Variants in FSCB observed in about 807,000 individuals in gnomAD.
The protein encoded by FSCB is fibrous sheath CABYR-binding protein.
For synonymous variants in FSCB, 331 were observed against 336.6 expected (o/e 0.98, Z 0.18); for missense variants, 975 against 934.8 (o/e 1.04, Z -0.56).
In FSCB at chr14:44,504,326, A is replaced by C. The variant is rs1881006745; in HGVS notation, c.*184T>G. 4.4e-6 allele frequency: 2 copies of C among 455,780 alleles called. No homozygotes were observed. Among genetic ancestry groups the C allele is most frequent in the Non-Finnish European group, 7.8e-6 (2 of 257,038 alleles). 28.2% of individuals were successfully genotyped at this position (455,780 alleles called of 1,614,324 possible). A position where few individuals can be genotyped will look rare whatever the true frequency, so the allele number is the denominator to read the frequency against. On this transcript the variant is annotated 3_prime_UTR_variant, in exon 1 of 1. Coordinates refer to ENST00000340446, the MANE Select transcript of FSCB (RefSeq NM_032135.4). ...TTTTTCATGCCATAAATTTGAATGA[A>C]ATTAACACAAGTAATTTTATGCTGC... is the stretch of plus-strand genomic sequence containing the variant.
chr14:44,504,726 C>A lies in FSCB; in HGVS notation c.2262G>T (p.Glu754Asp), dbSNP rs765630575. Reference protein sequence around the residue: ...EQTPEDEALVENVSTEFQSPQ... With the variant: ...EQTPEDEALVDNVSTEFQSPQ... Reference sequence around the variant, plus strand: ...GTGACTGAAATTCTGTAGACACATTCTCTACCAGAGCCTCATCTTCAGGGG... The same window carrying A: ...GTGACTGAAATTCTGTAGACACATTATCTACCAGAGCCTCATCTTCAGGGG... The change falls in exon 1 of 1, where the codon GAG becomes GAT. Residue 754 changes from glutamate (E) to aspartate (D), a missense_variant. Glu to Asp is a conservative substitution (Grantham distance 45, BLOSUM62 2). Coordinates refer to ENST00000340446, the MANE Select transcript of FSCB (RefSeq NM_032135.4). 12 of 1,614,176 alleles carry A rather than the reference C, an allele frequency of 7.4e-6. No individual in the cohort carries two copies. The South Asian group carries it at 1.3e-4, about 18-fold the overall frequency.
Position 44,506,091 on chromosome 14 carries a change from C to G in FSCB, c.897G>C (p.Glu299Asp), listed in dbSNP as rs372455925. Residue 299 changes from glutamate (E) to aspartate (D), a missense_variant, in exon 1 of 1, where the codon GAG (glutamate) becomes GAC (aspartate). By Grantham distance (45) the Glu-to-Asp change is conservative (BLOSUM62 2). Coordinates refer to ENST00000340446, the MANE Select transcript of FSCB (RefSeq NM_032135.4). ...THVQVQPSTE[E>D]TPDAEAATAV... ...CAGTGGCTGCCTCAGCATCAGGAGT[C>G]TCTTCAGTTGATGGCTGTACTTGGA... 1 of 1,614,026 alleles carries G rather than the reference C, an allele frequency of 6.2e-7. No homozygotes were observed. Among genetic ancestry groups the G allele is most frequent in the Non-Finnish European group, 8.5e-7 (1 of 1,180,022 alleles).
At position 44,505,718 on chromosome 14, in the gene FSCB, C is replaced by A; in HGVS notation, c.1270G>T (p.Val424Phe). 1 of 1,613,606 alleles carries A rather than the reference C, an allele frequency of 6.2e-7. No homozygotes were observed. The highest frequency in any genetic ancestry group is 8.5e-7 in the Non-Finnish European group (1 of 1,179,924). Residue 424 changes from valine to phenylalanine, a missense_variant, in exon 1 of 1, where the codon GTT becomes TTT. Val to Phe is a conservative substitution (Grantham distance 50). Transcript: ENST00000340446. Reference sequence around the variant, plus strand: ...GCCTCTTCAGGTAATAGAGGCTGAACATCAGCAAGGGTCTCTTCAACAGTG... The same window carrying A: ...GCCTCTTCAGGTAATAGAGGCTGAAAATCAGCAAGGGTCTCTTCAACAGTG... The part of the protein sequence containing the change: ...PPTVEETLAD[V>F]QPLLPEEAPR...
chr14:44,505,579 G>A lies in FSCB; in HGVS notation c.1409C>T (p.Ala470Val), dbSNP rs756477383. ...PLPKETTAEE[A>V]SAEIQLLAAT... The stretch of plus-strand genomic sequence containing the variant: ...TGCTAGAAGCTGAATTTCAGCAGAG[G>A]CCTCTTCTGCAGTGGTCTCTTTAGG... The change falls in exon 1 of 1, where the codon GCC (alanine) becomes GTC (valine). Residue 470 changes from alanine to valine, a missense_variant. Coordinates refer to ENST00000340446, the MANE Select transcript of FSCB (RefSeq NM_032135.4). The A allele has an allele frequency of 1.4e-5, 23 of 1,612,732 alleles. No individual in the cohort carries two copies. The highest frequency in any genetic ancestry group is 6.7e-5 in the Admixed American group (4 of 59,984).
chr14:44,506,712 C>T lies in FSCB; in HGVS notation c.276G>A (p.Val92=), dbSNP rs1452140167. 6.2e-7 allele frequency: 1 copy of T among 1,613,984 alleles called. No individual in the cohort carries two copies. The highest frequency in any genetic ancestry group is 8.5e-7 in the Non-Finnish European group (1 of 1,180,016). The part of the protein sequence containing the change: ...KKEVKLVEET[V]VPEEKSADVR... Reference sequence around the variant, plus strand: ...CATCAGCTGACTTTTCTTCAGGTACCACGGTTTCCTCAACTAACTTGACTT... The same window carrying T: ...CATCAGCTGACTTTTCTTCAGGTACTACGGTTTCCTCAACTAACTTGACTT... Residue 92 remains valine (V), a synonymous_variant, in exon 1 of 1, where the codon GTG becomes GTA. Transcript: ENST00000340446.
At position 44,507,262 on chromosome 14, in the gene FSCB, T is replaced by C; in HGVS notation, c.-275A>G. 1 of 325,512 alleles carries C rather than the reference T, an allele frequency of 3.1e-6. No homozygotes were observed. Among genetic ancestry groups the C allele is most frequent in the Non-Finnish European group, 5.8e-6 (1 of 171,066 alleles). 20.2% of individuals were successfully genotyped at this position (325,512 alleles called of 1,614,324 possible). ...CCACCTTATTCAGTAAGCGTCTTTC[T>C]TCTTTAGTCTCTGTTATAACTAAAT... On this transcript the variant is annotated 5_prime_UTR_variant, in exon 1 of 1. Transcript: ENST00000340446.
At chr14:44,506,379 G>GT in the FSCB span, 4 of 1,614,120 alleles carry the variant, frequency 2.5e-6, no homozygotes, top group South Asian at 4.4e-5. Flanking sequence ...CTTCATTGCT[G>GT]TTTGTTGCTG....
In FSCB at chr14:44,505,930, G is replaced by T; in HGVS notation, c.1058C>A (p.Pro353Gln). Residue 353 changes from proline to glutamine, a missense_variant, in exon 1 of 1, where the codon CCA becomes CAA. Pro to Gln is a moderately conservative substitution (Grantham distance 76). Transcript: ENST00000340446. ...SVELLAEILP[P>Q]SAEESPSEEP... is the part of the protein sequence containing the mutation. ...TTCTGAAGGGGACTCTTCAGCTGAT[G>T]GAGGCAGAATTTCAGCCAGAAGCTC... 2 of 1,613,230 alleles carry T rather than the reference G, an allele frequency of 1.2e-6. No homozygotes were observed. Among genetic ancestry groups the T allele is most frequent in the Non-Finnish European group, 1.7e-6 (2 of 1,179,266 alleles).
rs8009274 is a variant in FSCB at position 44,505,064 on chromosome 14, C to T, written c.1924G>A (p.Ala642Thr). 0.034 allele frequency: 19,105 copies of T among 556,758 alleles called. 624 individuals carry two copies. The highest frequency in any genetic ancestry group is 0.12 in the East Asian group (3,992 of 34,324). The allele number at this position is 556,758 out of a possible 1,614,324, so 34.5% of individuals were successfully genotyped here. ...AEVQPPPAEE[A>T]PAEVQPPPAE... ...GGTGGAGGCTGAACTTCAGCGGGGG[C>T]CTCCTCAGCTGGTGGAGGCTGAACT... The change falls in exon 1 of 1, where the codon GCC (alanine) becomes ACC (threonine). Residue 642 changes from alanine to threonine, a missense_variant. By Grantham distance (58) the Ala-to-Thr change is moderately conservative. Transcript: ENST00000340446.
At position 44,505,433 on chromosome 14, in the gene FSCB, C is replaced by T. The variant is rs147426737; in HGVS notation, c.1555G>A (p.Glu519Lys). ...QSPLAEETTA[E>K]EASAEIQLLA... ...AGCTGAATTTCAGCAGAGGCCTCTT[C>T]TGCAGTGGTCTCTTCAGCTAATGGA... The change falls in exon 1 of 1, where the codon GAA (glutamate) becomes AAA (lysine). Residue 519 changes from glutamate (E) to lysine (K), a missense_variant. Coordinates refer to ENST00000340446, the MANE Select transcript of FSCB (RefSeq NM_032135.4). 1.1e-5 allele frequency: 18 copies of T among 1,612,298 alleles called. No individual in the cohort carries two copies. In the African/African-American group the frequency reaches 2.3e-4, roughly 20 times the overall value.
rs1881060825 is a variant in FSCB at position 44,505,796 on chromosome 14, G to A, written c.1192C>T (p.Pro398Ser). 6.2e-7 allele frequency: 1 copy of A among 1,613,956 alleles called. No homozygotes were observed. The highest frequency in any genetic ancestry group is 1.1e-5 in the South Asian group (1 of 91,082). The change falls in exon 1 of 1, where the codon CCT (proline) becomes TCT (serine). Residue 398 changes from proline (P) to serine (S), a missense_variant. Pro to Ser is a moderately conservative substitution (Grantham distance 74). Transcript: ENST00000340446. The stretch of plus-strand genomic sequence containing the variant: ...TCAAGGGCGCCCTCAGCTGGTAAAG[G>A]CTGTACTTCAATGGGAGCCTTTTGT... ...SAQKAPIEVQ[P>S]LPAEGALEEA...
At position 44,505,421 on chromosome 14, in the gene FSCB, C is replaced by T; in HGVS notation, c.1567G>A (p.Ala523Thr). ...ATAGCTGCTAGAAGCTGAATTTCAG[C>T]AGAGGCCTCTTCTGCAGTGGTCTCT... ...AEETTAEEAS[A>T]EIQLLAAIEA... The change falls in exon 1 of 1, where the codon GCT (alanine) becomes ACT (threonine). Residue 523 changes from alanine (A) to threonine (T), a missense_variant. Coordinates refer to ENST00000340446, the MANE Select transcript of FSCB (RefSeq NM_032135.4). The T allele has an allele frequency of 6.2e-7, 1 of 1,612,256 alleles. No homozygotes were observed. The highest frequency in any genetic ancestry group is 8.5e-7 in the Non-Finnish European group (1 of 1,179,962).
Sources: gnomAD v4.1 joint callset for allele counts on GRCh38, gnomAD v4.1.1 for gene constraint, MANE v1.5 for transcripts, NCBI Gene and HGNC (gene_info 2026-07-23, HGNC 2026-07-21) for gene names.